The following SEPSECS variants were observed in gnomAD, a reference collection of about 807,000 sequenced individuals.
The protein encoded by SEPSECS is O-phosphoseryl-tRNA(Sec) selenium transferase.
A neutral mutation model predicts 52.1 loss-of-function variants in SEPSECS; 42 were observed. The observed-to-expected ratio is 0.81, with a 90% CI of 0.63 to 1.04. The LOEUF (loss-of-function observed/expected upper bound fraction) is 1.04, where lower values mean the gene tolerates loss of function less well. Among genes scored for constraint, SEPSECS ranks in the 50% least tolerant of loss-of-function variants. The pLI, the probability that SEPSECS is intolerant of heterozygous loss-of-function variation, is 0.00. For synonymous variants in SEPSECS, 216 were observed against 211.4 expected (o/e 1.02, Z -0.19); for missense variants, 590 against 610.6 (o/e 0.97, Z 0.36).
At position 25,129,189 on chromosome 4, in the gene SEPSECS, A is replaced by C. The variant is rs542007542; in HGVS notation, c.1027-1832T>G. ...GTTAACATCTACTATGGCCATACCT[A>C]ATGAAGCTATTAATAAATGTTACTG... On this transcript the variant is annotated intron_variant, in intron 8 of 10. Coordinates refer to ENST00000382103, the MANE Select transcript of SEPSECS (RefSeq NM_016955.4). Among the ~76,000 whole-genome samples the C allele has an allele frequency of 2.0e-3, 306 of 152,304 alleles. 2 individuals carry two copies. The South Asian group carries it at 0.021, about 11-fold the overall frequency.
At chr4:25,156,008 T>C in intron 4 of SEPSECS, 29 bp downstream of exon 4, 2 of 1,591,616 alleles carry the variant, frequency 1.3e-6, no homozygotes, top group Non-Finnish European at 1.7e-6. Flanking sequence ...TTATGATGTT[T>C]AAAACATTAT....
chr4:25,131,668 T>C (rs1230596123), intron 8 of SEPSECS, among the ~76,000 whole-genome samples: 1 of 152,182 alleles, frequency 6.6e-6, no homozygotes, highest in Non-Finnish European at 1.5e-5. Flanking sequence ...TCTAGTAGTG[T>C]TTTCAAACTT....
At chr4:25,126,033 A>C (rs574375697) in intron 9 of SEPSECS, among the ~76,000 whole-genome samples, 3 of 152,300 alleles carry the variant, frequency 2.0e-5, no homozygotes, top group Non-Finnish European at 4.4e-5. Flanking sequence ...AATTTTTCCA[A>C]CTAAATAGAT....
At chr4:25,150,856 A>C (rs1450724858) in intron 6 of SEPSECS, among the ~76,000 whole-genome samples, 2 of 152,044 alleles carry the variant, frequency 1.3e-5, no homozygotes, top group Non-Finnish European at 2.9e-5. Flanking sequence ...AAATACAAAA[A>C]GTTGGCTGGG....
At chr4:25,155,293 C>T (rs923804514) in intron 4 of SEPSECS, 142 bp from the exon 5 acceptor site, 7 of 856,018 alleles carry the variant, frequency 8.2e-6, no homozygotes, top group African/African-American at 6.7e-5. Flanking sequence ...AATAAATACA[C>T]GGCTCAGTAC....
intron 8 of SEPSECS, among the ~76,000 whole-genome samples, chr4:25,137,707 A>T (rs1279572785): frequency 6.6e-6 from 1 of 152,208 alleles, no homozygotes; most frequent in Non-Finnish European, 1.5e-5. Context: ...CAGCAATCCC[A>T]TTACTGGATA....
chr4:25,127,742 G>C (rs1728439325), intron 8 of SEPSECS, among the ~76,000 whole-genome samples: 1 of 152,112 alleles, frequency 6.6e-6, no homozygotes, highest in East Asian at 1.9e-4. Context: ...TACACTCAGA[G>C]ACTAGAGAGG....
intron 10 of SEPSECS, chr4:25,125,439 T>C (rs959421056): frequency 1.5e-5 from 7 of 467,780 alleles, no homozygotes; most frequent in Non-Finnish European, 2.3e-5. Flanking sequence ...TGTAGAGAGG[T>C]AATAAAACTT....
At chr4:25,160,489 A>G, upstream of SEPSECS, 1 of 705,042 alleles carries the variant, frequency 1.4e-6, no homozygotes, top group Non-Finnish European at 2.4e-6. Context: ...GACAAAAAAC[A>G]AAACAAAACA....
At chr4:25,158,543 A>C (rs1712831003) in intron 2 of SEPSECS, among the ~76,000 whole-genome samples, 1 of 152,196 alleles carries the variant, frequency 6.6e-6, no homozygotes, top group South Asian at 2.1e-4. Flanking sequence ...ACACAGTTTA[A>C]AACAAAATTT....
At chr4:25,146,482 A>AC (rs397712544) in intron 6 of SEPSECS, among the ~76,000 whole-genome samples, 2 of 151,850 alleles carry the variant, frequency 1.3e-5, no homozygotes, top group Admixed American at 6.6e-5. Context: ...AATAAAAAAA[A>AC]CTGGAAAACA....
At chr4:25,145,454 G>A (rs1711903473) in intron 6 of SEPSECS, among the ~76,000 whole-genome samples, 1 of 152,038 alleles carries the variant, frequency 6.6e-6, no homozygotes. Context: ...ATTTTTAATG[G>A]TGCTCCTTAT....
intron 8 of SEPSECS, among the ~76,000 whole-genome samples, chr4:25,131,820 A>G (rs1270182821): frequency 6.6e-6 from 1 of 152,218 alleles, no homozygotes; most frequent in Non-Finnish European, 1.5e-5. Flanking sequence ...ATTTGCAACA[A>G]TAAATGATTA....
chr4:25,128,083 A>C (rs1423957433), intron 8 of SEPSECS, among the ~76,000 whole-genome samples: 7 of 152,124 alleles, frequency 4.6e-5, no homozygotes, highest in African/African-American at 1.7e-4. Context: ...TCCCAATCCC[A>C]GTCTCCTTCC....
intron 8 of SEPSECS, among the ~76,000 whole-genome samples, chr4:25,135,426 T>C (rs1235574465): frequency 2.0e-5 from 3 of 152,068 alleles, no homozygotes; most frequent in Non-Finnish European, 4.4e-5. Context: ...CAGAGAATAC[T>C]ATAAACACCA....
At chr4:25,141,945 T>C (rs982603039) in intron 8 of SEPSECS, among the ~76,000 whole-genome samples, 1 of 152,156 alleles carries the variant, frequency 6.6e-6, no homozygotes. Context: ...TTCACCATCA[T>C]ATGTGTATAT....
chr4:25,130,837 T>G (rs1728578706), intron 8 of SEPSECS, among the ~76,000 whole-genome samples: 1 of 152,198 alleles, frequency 6.6e-6, no homozygotes, highest in African/African-American at 2.4e-5. Flanking sequence ...CTACCGAACC[T>G]GTACTATTTT....
chr4:25,137,692 C>A (rs567584090), intron 8 of SEPSECS, among the ~76,000 whole-genome samples: 1 of 152,044 alleles, frequency 6.6e-6, no homozygotes, highest in South Asian at 2.1e-4. Context: ...AAATGCCATT[C>A]GACCCAGCAA....
intron 8 of SEPSECS, among the ~76,000 whole-genome samples, chr4:25,138,523 A>C (rs1196475619): frequency 6.6e-6 from 1 of 151,714 alleles, no homozygotes; most frequent in African/African-American, 2.4e-5. Context: ...AGGAGTGCTC[A>C]ATATAAAACA....
Sources: gnomAD v4.1 joint callset for allele counts (sites outside exome capture counted in the v4.1 genomes callset) on GRCh38, gnomAD v4.1.1 for gene constraint, MANE v1.5 for transcripts, NCBI Gene and HGNC (gene_info 2026-07-23, HGNC 2026-07-21) for gene names.